MALRD1: variants seen among roughly 807,000 people sequenced by gnomAD.
The protein encoded by MALRD1 is MAM and LDL-receptor class A domain-containing protein 1.
Under a neutral mutation model 242.1 loss-of-function variants are expected in MALRD1, and 247 were observed. The ratio of observed to expected loss-of-function variants is 1.02; its 90% CI spans 0.92 to 1.13. The LOEUF is 1.13. MALRD1 is among the 50% of genes most tolerant of loss of function. MALRD1 has a pLI of 0.00. For synonymous variants in MALRD1, 995 were observed against 866.6 expected, an observed-to-expected ratio of 1.15 and a Z score of -2.60; for missense variants, 2,989 against 2,533.1, an observed-to-expected ratio of 1.18 and a Z score of -3.86.
intron 28 of MALRD1, among the ~76,000 whole-genome samples, chr10:19,414,418 G>T (rs1354937997): frequency 6.6e-6 from 1 of 152,170 alleles, no homozygotes; most frequent in Non-Finnish European, 1.5e-5. Context: ...GAGGCATAAA[G>T]ATCCTAAGTT....
intron 24 of MALRD1, among the ~76,000 whole-genome samples, chr10:19,344,720 T>TGG (rs71507279): frequency 5.5e-4 from 79 of 142,648 alleles, no homozygotes; most frequent in East Asian, 3.0e-3. Context: ...CCATGTCAAT[T>TGG]GGGGGGGGGG....
intron 28 of MALRD1, among the ~76,000 whole-genome samples, chr10:19,428,609 T>C (rs904329625): frequency 1.8e-4 from 28 of 152,194 alleles, no homozygotes; most frequent in African/African-American, 6.7e-4. Flanking sequence ...CTTTTAATGA[T>C]CACAACCTTA....
At chr10:19,124,934 G>GTTTTT (rs1837200858) in intron 7 of MALRD1, among the ~76,000 whole-genome samples, 1 of 58,236 alleles carries the variant, frequency 1.7e-5, no homozygotes, top group African/African-American at 5.4e-5. Flanking sequence ...GTATTAAAAG[G>GTTTTT]CTTTTTTTTT....
chr10:19,382,423 G>A (rs1008250137), intron 26 of MALRD1, among the ~76,000 whole-genome samples: 4 of 152,080 alleles, frequency 2.6e-5, no homozygotes, highest in South Asian at 4.2e-4. Flanking sequence ...TAAAAGGAAC[G>A]TTGGCATAAA....
intron 18 of MALRD1, among the ~76,000 whole-genome samples, 160 bp from the exon 19 acceptor site, chr10:19,257,524 C>G (rs1426676845): frequency 1.3e-5 from 2 of 152,068 alleles, no homozygotes; most frequent in East Asian, 3.9e-4. Flanking sequence ...GTATTCAAGG[C>G]AAGATGACCA....
intron 14 of MALRD1, among the ~76,000 whole-genome samples, chr10:19,179,258 A>G (rs1835390894): frequency 6.6e-6 from 1 of 152,198 alleles, no homozygotes; most frequent in African/African-American, 2.4e-5. Flanking sequence ...ACAGGCATAC[A>G]TTTTCAGTCA....
chr10:19,102,339 T>C (rs1256742940), intron 4 of MALRD1, among the ~76,000 whole-genome samples: 1 of 151,928 alleles, frequency 6.6e-6, no homozygotes, highest in Non-Finnish European at 1.5e-5. Flanking sequence ...ATTTTCTAAG[T>C]AGTTACACTT....
In MALRD1 at chr10:19,423,636, T is replaced by C. The variant is rs576215701; in HGVS notation, c.4846-26671T>C. On this transcript the variant is annotated intron_variant, in intron 28 of 39. Transcript: ENST00000454679. Reference sequence around the variant, plus strand: ...GAGGTTCCCGTGGCAGGTCATCATGTATGTCAAATGATGAGAGCACCCATT... The same window carrying C: ...GAGGTTCCCGTGGCAGGTCATCATGCATGTCAAATGATGAGAGCACCCATT... 5.3e-5 allele frequency among the ~76,000 whole-genome samples: 8 copies of C among 152,214 alleles called. No homozygotes were observed. In the East Asian group the frequency reaches 1.2e-3, roughly 22 times the overall value.
intron 18 of MALRD1, among the ~76,000 whole-genome samples, chr10:19,240,661 G>A (rs940153774): frequency 2.6e-5 from 4 of 151,964 alleles, no homozygotes; most frequent in African/African-American, 9.7e-5. Flanking sequence ...TAGAGGAAAA[G>A]CATTTAACTA....
intron 31 of MALRD1, among the ~76,000 whole-genome samples, chr10:19,530,439 A>ATAATAT (rs1554793516): frequency 4.4e-5 from 4 of 90,710 alleles, no homozygotes; most frequent in African/African-American, 1.8e-4. Context: ...AATATATATA[A>ATAATAT]TATATAATAT....
chr10:19,393,125 T>C (rs1278816593), intron 28 of MALRD1, among the ~76,000 whole-genome samples: 1 of 152,136 alleles, frequency 6.6e-6, no homozygotes, highest in Non-Finnish European at 1.5e-5. Flanking sequence ...TTCTAAGGAG[T>C]AGGTTTGGCT....
At chr10:19,072,876 C>T (rs999172830) in intron 2 of MALRD1, among the ~76,000 whole-genome samples, 14 of 151,884 alleles carry the variant, frequency 9.2e-5, no homozygotes, top group East Asian at 3.9e-4. Flanking sequence ...GATGTGTTAA[C>T]GAAATGGAAT....
chr10:19,109,429 G>T (rs1836596501), intron 5 of MALRD1, among the ~76,000 whole-genome samples: 2 of 152,222 alleles, frequency 1.3e-5, no homozygotes, highest in African/African-American at 4.8e-5. Context: ...TCTATCTCCG[G>T]GTCAGTCATG....
intron 38 of MALRD1, among the ~76,000 whole-genome samples, chr10:19,696,578 G>A (rs1833386788): frequency 6.6e-6 from 1 of 151,948 alleles, no homozygotes; most frequent in African/African-American, 2.4e-5. Context: ...GAATTATGGT[G>A]TTCATTAGAA....
At chr10:19,168,845 C>G (rs879373174) in intron 13 of MALRD1, among the ~76,000 whole-genome samples, 2 of 152,102 alleles carry the variant, frequency 1.3e-5, no homozygotes, top group African/African-American at 2.4e-5. Context: ...TTCGAGGCCT[C>G]GGTCACATTG....
chr10:19,582,499 T>C lies in MALRD1; in HGVS notation c.5681-12695T>C, dbSNP rs958232081. On this transcript the variant is annotated intron_variant, in intron 33 of 39. Transcript: ENST00000454679. ...TAGGGAATCCTTTCCCCATTGCTTG[T>C]TTTTGTCAGGTTTGTCAAAGATCAG... Among the ~76,000 whole-genome samples, 166 of 138,200 alleles carry C rather than the reference T, an allele frequency of 1.2e-3. 2 individuals carry two copies. Among genetic ancestry groups the C allele is most frequent in the African/African-American group, 4.1e-3 (161 of 39,744 alleles). The allele number at this position is 138,200 out of a possible 152,430, so 90.7% of individuals were successfully genotyped here. A position where few individuals can be genotyped will look rare whatever the true frequency, so the allele number is the denominator to read the frequency against.
intron 36 of MALRD1, among the ~76,000 whole-genome samples, chr10:19,617,077 A>C (rs956196015): frequency 6.6e-6 from 1 of 152,078 alleles, no homozygotes; most frequent in Non-Finnish European, 1.5e-5. Context: ...AGTAGATAAT[A>C]TTATTTAATG....
Position 19,703,245 on chromosome 10 carries a change from G to A in MALRD1, c.6314+10691G>A, listed in dbSNP as rs980761045. On this transcript the variant is annotated intron_variant, in intron 38 of 39. Transcript: ENST00000454679. ...AATTCTTCATCTGCCTCTCATCTCT[G>A]TTTCTTTTTGCTCGTCTGTTTTGAT... Among the ~76,000 whole-genome samples the A allele has an allele frequency of 2.0e-5, 3 of 152,114 alleles. No homozygotes were observed. In the East Asian group the frequency reaches 5.8e-4, roughly 29 times the overall value.
intron 36 of MALRD1, among the ~76,000 whole-genome samples, chr10:19,637,277 A>G (rs1377984162): frequency 2.0e-5 from 3 of 152,208 alleles, no homozygotes; most frequent in African/African-American, 7.2e-5. Context: ...GTTTCATGCC[A>G]CCTATTTCAG....
Sources: gnomAD v4.1 joint callset for allele counts (sites outside exome capture counted in the v4.1 genomes callset) on GRCh38, gnomAD v4.1.1 for gene constraint, MANE v1.5 for transcripts, NCBI Gene and HGNC (gene_info 2026-07-23, HGNC 2026-07-21) for gene names.